The following AHNAK variants were observed in gnomAD, a reference collection of about 807,000 sequenced individuals.
The protein encoded by AHNAK is neuroblast differentiation-associated protein AHNAK.
A neutral mutation model predicts 37.8 loss-of-function variants in AHNAK; 23 were observed. The observed-to-expected ratio is 0.61, with a 90% CI of 0.44 to 0.86. AHNAK has a LOEUF of 0.86. Ranked by LOEUF, AHNAK falls within the 40% of genes least tolerant of loss-of-function variation. The pLI is 0.00. For synonymous variants in AHNAK, 2,481 were observed against 2,636.3 expected, an observed-to-expected ratio of 0.94 and a Z score of 1.80; for missense variants, 7,411 against 7,319.4, an observed-to-expected ratio of 1.01 and a Z score of -0.46.
chr11:62,472,815 A>G (rs1048551404), intron 5 of AHNAK, among the ~76,000 whole-genome samples: 2 of 152,146 alleles, frequency 1.3e-5, no homozygotes, highest in Non-Finnish European at 2.9e-5. Flanking sequence ...GGCTAGGTGC[A>G]GTGACTCATG....
chr11:62,521,370 G>A lies in AHNAK; in HGVS notation c.13047C>T (p.Gly4349=), dbSNP rs747550600. The A allele has an allele frequency of 2.1e-5, 34 of 1,613,200 alleles. No individual in the cohort carries two copies. Among genetic ancestry groups the A allele is most frequent in the Admixed American group, 1.7e-5 (1 of 59,894 alleles). The change falls in exon 5 of 5, where the codon GGC becomes GGT. Residue 4349 remains glycine, a synonymous_variant. Transcript: ENST00000378024. ...CAGGGGCATCAATGTCCACTTTGGG[G>A]CCAGAAATCTCAATGTCAGCCTTAG... ...TLPKADIEIS[G]PKVDIDAPDV... is the part of the protein sequence containing the mutation.
At chr11:62,538,403 A>G (rs922004717) in intron 1 of AHNAK, among the ~76,000 whole-genome samples, 1 of 152,226 alleles carries the variant, frequency 6.6e-6, no homozygotes, top group Non-Finnish European at 1.5e-5. Flanking sequence ...GAAAGACACC[A>G]GGCAGGACTC....
chr11:62,519,206 G>A lies in AHNAK; in HGVS notation c.15211C>T (p.Leu5071Phe), dbSNP rs909596254. The change falls in exon 5 of 5, where the codon CTC (leucine) becomes TTC (phenylalanine). Residue 5071 changes from leucine (L) to phenylalanine (F), a missense_variant. Leu to Phe is a conservative substitution (Grantham distance 22). Coordinates refer to ENST00000378024, the MANE Select transcript of AHNAK (RefSeq NM_001620.3). ...TTGGGCGATTTCACGTCGACTTTGA[G>A]TGCAGCATCCGGCCCTGCGATGTTG... ...DVNIAGPDAALKVDVKSPKTK... is the reference protein window; with the variant it reads ...DVNIAGPDAAFKVDVKSPKTK... 1.2e-6 allele frequency: 2 copies of A among 1,613,224 alleles called. No individual in the cohort carries two copies. The highest frequency in any genetic ancestry group is 1.7e-6 in the Non-Finnish European group (2 of 1,179,758).
Position 62,530,603 on chromosome 11 carries a change from G to A in AHNAK, c.3814C>T (p.Arg1272Ter). 2 of 1,612,092 alleles carry A rather than the reference G, an allele frequency of 1.2e-6. No homozygotes were observed. The highest frequency in any genetic ancestry group is 1.7e-6 in the Non-Finnish European group (2 of 1,179,646). ...TTGGGCAGGTTCACATCCACTTCTC[G>A]GCCCTCTCCTTTGAAGCCAGGCATG... ...FSMPGFKGEG[R>*]EVDVNLPKAD... is the part of the protein sequence containing the mutation. Residue 1272 changes from arginine (R) to a stop codon, truncating the protein, a stop_gained, in exon 5 of 5, where the codon CGA (arginine) becomes TGA (stop). Transcript: ENST00000378024. LOFTEE classifies it low-confidence loss of function (END_TRUNC).
At chr11:62,483,176 G>A (rs996074841) in intron 5 of AHNAK, among the ~76,000 whole-genome samples, 1 of 152,178 alleles carries the variant, frequency 6.6e-6, no homozygotes, top group African/African-American at 2.4e-5. Flanking sequence ...CCCAAGGGAC[G>A]CTACGTGGCA....
chr11:62,518,120 G>A lies in AHNAK; in HGVS notation c.16297C>T (p.Leu5433=). The A allele has an allele frequency of 1.2e-6, 2 of 1,614,218 alleles. No homozygotes were observed. The highest frequency in any genetic ancestry group is 1.7e-6 in the Non-Finnish European group (2 of 1,180,040). The change falls in exon 5 of 5, where the codon CTG becomes TTG. Residue 5433 remains leucine, a synonymous_variant. Coordinates refer to ENST00000378024, the MANE Select transcript of AHNAK (RefSeq NM_001620.3). ...NAKGPQVSGE[L]KGPGVDVNLK... ...TTCACATCCACACCTGGCCCCTTCAGTTCGCCAGAAACCTGTGGCCCCTTG... is the reference window on the plus strand; with the variant it reads ...TTCACATCCACACCTGGCCCCTTCAATTCGCCAGAAACCTGTGGCCCCTTG...
intron 1 of AHNAK, among the ~76,000 whole-genome samples, chr11:62,544,960 C>T (rs993418986): frequency 3.3e-5 from 5 of 152,182 alleles, no homozygotes; most frequent in African/African-American, 1.2e-4. Context: ...AGAGCAGGAG[C>T]CCTGCAATCC....
chr11:62,516,424 G>A lies in AHNAK; in HGVS notation c.*320C>T, dbSNP rs1321122562. On this transcript the variant is annotated 3_prime_UTR_variant, in exon 5 of 5. Transcript: ENST00000378024. ...AACTAACAATGTTCAGTAAAAATGA[G>A]GATAATAAACACAAAAGCTTGCTTA... The A allele has an allele frequency of 3.2e-6, 4 of 1,248,608 alleles. No homozygotes were observed. The East Asian group carries it at 1.5e-4, about 46-fold the overall frequency. The allele number at this position is 1,248,608 out of a possible 1,614,324, so 77.3% of individuals were successfully genotyped here. A position where few individuals can be genotyped will look rare whatever the true frequency, so the allele number is the denominator to read the frequency against.
intron 4 of AHNAK, among the ~76,000 whole-genome samples, chr11:62,500,480 C>A (rs548168019): frequency 3.3e-5 from 5 of 152,126 alleles, no homozygotes; most frequent in Non-Finnish European, 7.3e-5. Flanking sequence ...CCTTCGTTAA[C>A]GATCAGAGTC....
intron 5 of AHNAK, among the ~76,000 whole-genome samples, chr11:62,467,722 C>T (rs1324902545): frequency 6.6e-6 from 1 of 152,122 alleles, no homozygotes; most frequent in Non-Finnish European, 1.5e-5. Context: ...AACAGTCAAG[C>T]CTTTTGACAC....
chr11:62,454,423 A>C (rs1010858550), intron 5 of AHNAK, among the ~76,000 whole-genome samples: 9 of 133,592 alleles, frequency 6.7e-5, no homozygotes, highest in Non-Finnish European at 1.2e-4. Context: ...AAAAAAAAAA[A>C]AAAAAGAAAA....
intron 5 of AHNAK, among the ~76,000 whole-genome samples, chr11:62,471,450 C>T (rs989816686): frequency 2.3e-4 from 35 of 152,230 alleles, no homozygotes; most frequent in African/African-American, 8.2e-4. Flanking sequence ...GCTGGGATTA[C>T]AGGCATAAGC....
intron 5 of AHNAK, among the ~76,000 whole-genome samples, chr11:62,472,044 C>T (rs1444507766): frequency 1.3e-5 from 2 of 151,958 alleles, no homozygotes; most frequent in African/African-American, 2.4e-5. Context: ...CCCGGGTCCT[C>T]CTCAGGAGGA....
rs200104251 is a variant in AHNAK, at chr11:62,517,088, G to A, written c.17329C>T (p.Arg5777Trp). The A allele has an allele frequency of 4.5e-5, 72 of 1,613,912 alleles. No homozygotes were observed. The highest frequency in any genetic ancestry group is 2.8e-4 in the Admixed American group (17 of 60,012). ...KFSLFKSKKP[R>W]HRSNSFSDER... is the part of the protein sequence containing the mutation. Reference sequence around the variant, plus strand: ...TCACTGAATGAATTTGAGCGGTGCCGTGGCTTCTTACTTTTAAATAAGGAG... The same window carrying A: ...TCACTGAATGAATTTGAGCGGTGCCATGGCTTCTTACTTTTAAATAAGGAG... Residue 5777 changes from arginine (R) to tryptophan (W), a missense_variant, in exon 5 of 5, where the codon CGG becomes TGG. Physicochemically the swap from Arg to Trp is moderately radical, Grantham distance 101. Coordinates refer to ENST00000378024, the MANE Select transcript of AHNAK (RefSeq NM_001620.3).
At chr11:62,514,750 C>G (rs931498352), downstream of AHNAK, among the ~76,000 whole-genome samples, 1 of 152,198 alleles carries the variant, frequency 6.6e-6, no homozygotes, top group African/African-American at 2.4e-5. Context: ...TCATCTAAAA[C>G]GCAGCCGGGT....
chr11:62,472,663 T>C (rs1035801883), intron 5 of AHNAK, among the ~76,000 whole-genome samples: 1 of 152,048 alleles, frequency 6.6e-6, no homozygotes, highest in East Asian at 1.9e-4. Context: ...CAAAGAATGG[T>C]CCAGACTCCT....
chr11:62,465,341 A>G (rs986482344), intron 5 of AHNAK, among the ~76,000 whole-genome samples: 59 of 152,128 alleles, frequency 3.9e-4, no homozygotes, highest in Non-Finnish European at 6.8e-4. Context: ...GTCGCTGGGC[A>G]TGGTGGCTCA....
At chr11:62,539,055 ACT>A (rs1441276635) in intron 1 of AHNAK, among the ~76,000 whole-genome samples, 2 of 152,034 alleles carry the variant, frequency 1.3e-5, no homozygotes, top group African/African-American at 4.8e-5. Context: ...GTGAGCAAAG[ACT>A]CTGAGCCTCT....
Position 62,526,784 on chromosome 11 carries a change from T to G in AHNAK, c.7633A>C (p.Lys2545Gln). 3 of 1,613,978 alleles carry G rather than the reference T, an allele frequency of 1.9e-6. No homozygotes were observed. Among genetic ancestry groups the G allele is most frequent in the Non-Finnish European group, 1.7e-6 (2 of 1,180,024 alleles). ...ACATCAGGGCCTTCAATGTCCACCT[T>G]GGGTCCTGAGATGTCAACGTCAGCC... ...PKADVDISGPKVDIEGPDVNI... is the reference protein window; with the variant it reads ...PKADVDISGPQVDIEGPDVNI... Residue 2545 changes from lysine to glutamine, a missense_variant, in exon 5 of 5, where the codon AAG (lysine) becomes CAG (glutamine). Transcript: ENST00000378024.
Sources: allele counts gnomAD v4.1 joint callset (sites outside exome capture counted in the v4.1 genomes callset), GRCh38; gene constraint gnomAD v4.1.1; transcripts MANE v1.5; gene names NCBI Gene and HGNC (gene_info 2026-07-23, HGNC 2026-07-21).